The following COL25A1 variants were observed in gnomAD, a reference collection of about 807,000 sequenced individuals.
COL25A1 encodes collagen alpha-1(XXV) chain.
In COL25A1, 103 loss-of-function variants were observed where a neutral mutation model predicts 128.4. The observed-to-expected ratio is 0.80, with a 90% CI of 0.68 to 0.94. COL25A1 has a LOEUF of 0.94. Ranked by LOEUF, COL25A1 falls within the 40% of genes least tolerant of loss-of-function variation. COL25A1 has a pLI of 0.00. For missense variants in COL25A1, 745 were observed against 840.0 expected, an observed-to-expected ratio of 0.89 and a Z score of 1.40; for synonymous variants, 279 against 277.2, an observed-to-expected ratio of 1.01 and a Z score of -0.06.
intron 3 of COL25A1, among the ~76,000 whole-genome samples, chr4:109,144,053 T>C (rs879374471): frequency 1.3e-5 from 2 of 152,224 alleles, no homozygotes; most frequent in African/African-American, 4.8e-5. Context: ...ATCTTTCATG[T>C]TGGTGACCTT....
chr4:109,150,193 C>A lies in COL25A1; in HGVS notation c.368-100014G>T, dbSNP rs182662572. On this transcript the variant is annotated intron_variant, in intron 3 of 37. Coordinates refer to ENST00000399132, the MANE Select transcript of COL25A1 (RefSeq NM_198721.4). ...TTATTTTGAGACACAGAAAACAAAT[C>A]AAATAGGCCATCAAATACTATGAAT... Among the ~76,000 whole-genome samples, 861 of 152,150 alleles carry A rather than the reference C, an allele frequency of 5.7e-3. 11 individuals are homozygous for A. Among genetic ancestry groups the A allele is most frequent in the African/African-American group, 0.02 (815 of 41,520 alleles).
intron 8 of COL25A1, among the ~76,000 whole-genome samples, chr4:108,959,914 T>G (rs1268183588): frequency 6.6e-6 from 1 of 152,106 alleles, no homozygotes; most frequent in Non-Finnish European, 1.5e-5. Context: ...CTCCAGATAT[T>G]CCCCTCTTCC....
chr4:109,168,406 C>G (rs189844917), intron 3 of COL25A1, among the ~76,000 whole-genome samples: 1 of 152,286 alleles, frequency 6.6e-6, no homozygotes, highest in African/African-American at 2.4e-5. Flanking sequence ...GTAAATGCAA[C>G]GACTTTCTCT....
chr4:109,102,546 T>C (rs1026992102), intron 3 of COL25A1, among the ~76,000 whole-genome samples: 3 of 152,176 alleles, frequency 2.0e-5, no homozygotes, highest in African/African-American at 7.2e-5. Flanking sequence ...TTCTATTTCA[T>C]TACTAATTTT....
At chr4:109,218,357 G>GTTTTTTTTTTGTTTGTTTGTTTTTTTT (rs1553961829) in intron 3 of COL25A1, among the ~76,000 whole-genome samples, 6 of 73,528 alleles carry the variant, frequency 8.2e-5, no homozygotes, top group African/African-American at 2.8e-4. Flanking sequence ...GTTTTTTGGG[G>GTTTTTTTTTTGTTTGTTTGTTTTTTTT]TTTTTTTTTT....
chr4:109,198,822 A>G (rs983401674), intron 3 of COL25A1, among the ~76,000 whole-genome samples: 1 of 152,222 alleles, frequency 6.6e-6, no homozygotes, highest in Admixed American at 6.5e-5. Context: ...TCTAATATGT[A>G]CATTTGTGAA....
chr4:109,267,716 G>A (rs1394950953), intron 3 of COL25A1, among the ~76,000 whole-genome samples: 4 of 151,964 alleles, frequency 2.6e-5, no homozygotes, highest in African/African-American at 4.8e-5. Flanking sequence ...AAACACTCTG[G>A]AGCATTTCAG....
chr4:108,826,255 AG>A (rs1159380056), intron 33 of COL25A1, among the ~76,000 whole-genome samples: 2 of 152,184 alleles, frequency 1.3e-5, no homozygotes, highest in Admixed American at 1.3e-4. Flanking sequence ...AAGAATTTTC[AG>A]GCCGGGCGCA....
chr4:109,291,375 A>G (rs1215929263), intron 3 of COL25A1, among the ~76,000 whole-genome samples: 2 of 152,140 alleles, frequency 1.3e-5, no homozygotes, highest in Non-Finnish European at 2.9e-5. Context: ...TGTGCAATTC[A>G]TGTATTCTCA....
chr4:108,879,758 G>A (rs1023040939), intron 19 of COL25A1, among the ~76,000 whole-genome samples: 2 of 150,378 alleles, frequency 1.3e-5, no homozygotes, highest in African/African-American at 4.9e-5. Flanking sequence ...GGTGGTACAT[G>A]TTGAAAGAAG....
intron 5 of COL25A1, among the ~76,000 whole-genome samples, chr4:109,030,168 A>G (rs1758698580): frequency 6.6e-6 from 1 of 152,152 alleles, no homozygotes; most frequent in Non-Finnish European, 1.5e-5. Context: ...CCCTCCAGAG[A>G]GGTGGTGCCT....
chr4:108,951,336 A>C (rs1749399978), intron 8 of COL25A1, among the ~76,000 whole-genome samples: 1 of 152,150 alleles, frequency 6.6e-6, no homozygotes, highest in African/African-American at 2.4e-5. Context: ...TGCAGTTCCA[A>C]AATCCAAAGT....
At chr4:109,254,220 T>C (rs1281296092) in intron 3 of COL25A1, among the ~76,000 whole-genome samples, 1 of 151,694 alleles carries the variant, frequency 6.6e-6, no homozygotes. Flanking sequence ...TATTTCTTAA[T>C]CACTAACATA....
chr4:109,012,907 T>TCCACTAGG, intron 5 of COL25A1, among the ~76,000 whole-genome samples: 1 of 152,354 alleles, frequency 6.6e-6, no homozygotes, highest in South Asian at 2.1e-4. Context: ...CCTGGTGCGA[T>TCCACTAGG]CCACTAGGCG....
chr4:108,932,777 T>C (rs1746905508), intron 11 of COL25A1, among the ~76,000 whole-genome samples: 2 of 152,228 alleles, frequency 1.3e-5, no homozygotes, highest in African/African-American at 4.8e-5. Context: ...AAAGATACCT[T>C]TTAAAATACT....
At chr4:108,856,501 A>G (rs1736523045) in intron 24 of COL25A1, among the ~76,000 whole-genome samples, 1 of 152,204 alleles carries the variant, frequency 6.6e-6, no homozygotes, top group Non-Finnish European at 1.5e-5. Context: ...GAGAATTAGA[A>G]GAATAAATGT....
chr4:109,065,072 G>A (rs964642427), intron 3 of COL25A1, among the ~76,000 whole-genome samples: 6 of 152,170 alleles, frequency 3.9e-5, no homozygotes, highest in African/African-American at 1.4e-4. Flanking sequence ...TGAGAGCAAT[G>A]TGCTCTGCTC....
At chr4:108,998,771 A>G (rs1439682676) in intron 6 of COL25A1, among the ~76,000 whole-genome samples, 1 of 152,216 alleles carries the variant, frequency 6.6e-6, no homozygotes, top group Non-Finnish European at 1.5e-5. Flanking sequence ...ACAGATATAT[A>G]GACCAATGGA....
At chr4:108,832,829 C>T (rs541577482) in intron 31 of COL25A1, 9 of 158,594 alleles carry the variant, frequency 5.7e-5, no homozygotes, top group Non-Finnish European at 6.9e-5. Flanking sequence ...GGTGAAACCC[C>T]GTCTCTATTA....
Sources: gnomAD v4.1 joint callset for allele counts (sites outside exome capture counted in the v4.1 genomes callset) on GRCh38, gnomAD v4.1.1 for gene constraint, MANE v1.5 for transcripts, NCBI Gene and HGNC (gene_info 2026-07-23, HGNC 2026-07-21) for gene names.